Variants in AMPH observed in about 807,000 individuals in gnomAD.
The protein encoded by AMPH is amphiphysin.
In AMPH, 49 loss-of-function variants were observed where a neutral mutation model predicts 99.1. That is an observed-to-expected ratio of 0.49 (90% CI 0.39 to 0.63). The LOEUF is 0.63. Ranked by LOEUF, AMPH falls within the 20% of genes least tolerant of loss-of-function variation. The pLI is 0.00. For synonymous variants in AMPH, 314 were observed against 317.3 expected, an observed-to-expected ratio of 0.99 and a Z score of 0.11; for missense variants, 759 against 863.4, an observed-to-expected ratio of 0.88 and a Z score of 1.52.
At chr7:38,600,509 G>A (rs1404169654) in intron 1 of AMPH, among the ~76,000 whole-genome samples, 2 of 152,156 alleles carry the variant, frequency 1.3e-5, no homozygotes, top group African/African-American at 4.8e-5. Context: ...AAACAGGAAT[G>A]AGTGGTGAAC....
chr7:38,406,731 CCT>C (rs56738810), intron 17 of AMPH, among the ~76,000 whole-genome samples: 1,835 of 80,374 alleles, frequency 0.023, 47 homozygotes, highest in African/African-American at 0.08. Flanking sequence ...TCTCCCTTTC[CCT>C]CTCTCTCTCT....
chr7:38,431,501 C>T (rs1450484763), intron 13 of AMPH, among the ~76,000 whole-genome samples: 1 of 151,866 alleles, frequency 6.6e-6, no homozygotes, highest in Non-Finnish European at 1.5e-5. Context: ...ACTAAAAATA[C>T]AAAAATTAGT....
chr7:38,535,897 G>A (rs1790580811), intron 1 of AMPH, among the ~76,000 whole-genome samples: 1 of 152,112 alleles, frequency 6.6e-6, no homozygotes, highest in Non-Finnish European at 1.5e-5. Context: ...GCCACAAACT[G>A]GTACCAGTCT....
In AMPH at chr7:38,384,607, C is replaced by A; in HGVS notation, c.*211G>T. On this transcript the variant is annotated 3_prime_UTR_variant, in exon 21 of 21. Transcript: ENST00000356264. ...AAAGCACAAACAAACCTGTTATTGA[C>A]AACATGGGAATGAGTGAGGATTTTT... The A allele has an allele frequency of 4.2e-6, 2 of 481,422 alleles. No individual in the cohort carries two copies. Among genetic ancestry groups the A allele is most frequent in the South Asian group, 3.0e-5 (1 of 32,872 alleles). 29.8% of individuals were successfully genotyped at this position (481,422 alleles called of 1,614,324 possible).
At chr7:38,532,088 C>T (rs1172029249) in intron 2 of AMPH, among the ~76,000 whole-genome samples, 1 of 152,096 alleles carries the variant, frequency 6.6e-6, no homozygotes, top group African/African-American at 2.4e-5. Flanking sequence ...TTCTTCTCTC[C>T]GTAGAGCATT....
At chr7:38,573,365 A>G (rs1180677646) in intron 1 of AMPH, among the ~76,000 whole-genome samples, 1 of 117,608 alleles carries the variant, frequency 8.5e-6, no homozygotes, top group Non-Finnish European at 1.8e-5. Flanking sequence ...CAGGAAAGAA[A>G]TACATACATG....
chr7:38,623,647 G>A (rs1191017725), intron 1 of AMPH, among the ~76,000 whole-genome samples: 10 of 152,250 alleles, frequency 6.6e-5, no homozygotes, highest in African/African-American at 2.2e-4. Flanking sequence ...GGAAGTAAAC[G>A]TGGCCATATA....
At chr7:38,566,999 G>A (rs1378822949) in intron 1 of AMPH, among the ~76,000 whole-genome samples, 1 of 152,156 alleles carries the variant, frequency 6.6e-6, no homozygotes, top group Non-Finnish European at 1.5e-5. Context: ...CAAGGATCTA[G>A]AACTAGAAAT....
At chr7:38,418,728 C>T (rs909386160) in intron 16 of AMPH, among the ~76,000 whole-genome samples, 3 of 152,070 alleles carry the variant, frequency 2.0e-5, no homozygotes, top group African/African-American at 7.2e-5. Context: ...AACCACAGGG[C>T]AGTATTCTCC....
chr7:38,629,403 C>T (rs1432372172), intron 1 of AMPH, among the ~76,000 whole-genome samples: 1 of 152,142 alleles, frequency 6.6e-6, no homozygotes, highest in African/African-American at 2.4e-5. Flanking sequence ...ACGCTTGAAA[C>T]CCCCAAGAGG....
intron 1 of AMPH, among the ~76,000 whole-genome samples, chr7:38,585,587 A>G (rs948510062): frequency 6.6e-6 from 1 of 152,230 alleles, no homozygotes; most frequent in African/African-American, 2.4e-5. Context: ...ACAATGCAGA[A>G]AAAGTGCTTT....
In AMPH at chr7:38,604,715, C is replaced by T. The variant is rs180895149; in HGVS notation, c.69+26568G>A. On this transcript the variant is annotated intron_variant, in intron 1 of 20. Transcript: ENST00000356264. ...CCAGGAATCTACCCTGTTATAAAAG[C>T]TCTACACCAAATGAACTATGTTCCC... 4.0e-5 allele frequency among the ~76,000 whole-genome samples: 6 copies of T among 151,566 alleles called. No homozygotes were observed. In the East Asian group the frequency reaches 1.2e-3, roughly 29 times the overall value.
intron 1 of AMPH, among the ~76,000 whole-genome samples, chr7:38,612,083 TC>T (rs1432264668): frequency 2.4e-5 from 2 of 83,388 alleles, no homozygotes; most frequent in Non-Finnish European, 4.8e-5. Context: ...TTTTTTGTCT[TC>T]TTCTTTTTTT....
chr7:38,494,410 A>T, intron 4 of AMPH, 23 bp downstream of exon 4: 1 of 1,608,530 alleles, frequency 6.2e-7, no homozygotes, highest in East Asian at 2.2e-5. Flanking sequence ...TGGGAGCCTC[A>T]TGGAAGCCAC....
At chr7:38,529,734 G>A (rs555453438) in intron 2 of AMPH, among the ~76,000 whole-genome samples, 2 of 152,234 alleles carry the variant, frequency 1.3e-5, no homozygotes, top group South Asian at 4.1e-4. Flanking sequence ...CTCACAAGAA[G>A]GTCAAGATTA....
chr7:38,446,161 T>C (rs1325664335), intron 11 of AMPH, among the ~76,000 whole-genome samples: 1 of 152,234 alleles, frequency 6.6e-6, no homozygotes, highest in Non-Finnish European at 1.5e-5. Flanking sequence ...ACATTAACCA[T>C]GCCAACTGTT....
At chr7:38,608,799 T>C (rs758499918) in intron 1 of AMPH, among the ~76,000 whole-genome samples, 1 of 152,144 alleles carries the variant, frequency 6.6e-6, no homozygotes, top group Non-Finnish European at 1.5e-5. Flanking sequence ...CAATCGAAAT[T>C]ATGCAATGAC....
At chr7:38,395,224 G>GAA (rs3056176) in intron 17 of AMPH, among the ~76,000 whole-genome samples, 59,086 of 150,556 alleles carry the variant, frequency 0.39, 11,537 homozygotes, top group Admixed American at 0.44. Context: ...ACTTTCACAG[G>GAA]AAAAAAAAAT....
At chr7:38,561,875 C>T (rs1324358563) in intron 1 of AMPH, among the ~76,000 whole-genome samples, 1 of 151,424 alleles carries the variant, frequency 6.6e-6, no homozygotes, top group Non-Finnish European at 1.5e-5. Context: ...CAAGAAGAGG[C>T]TTCTCACTAG....
Sources: gnomAD v4.1 joint callset for allele counts (sites outside exome capture counted in the v4.1 genomes callset) on GRCh38, gnomAD v4.1.1 for gene constraint, MANE v1.5 for transcripts, NCBI Gene and HGNC (gene_info 2026-07-23, HGNC 2026-07-21) for gene names.